Variants in MMP16 observed in about 807,000 individuals in gnomAD.
MMP16 encodes matrix metallopeptidase 16, also known as matrix metalloproteinase-16.
A neutral mutation model predicts 67.8 loss-of-function variants in MMP16; 12 were observed. The ratio of observed to expected loss-of-function variants is 0.18; its 90% confidence interval spans 0.11 to 0.29. The LOEUF (loss-of-function observed/expected upper bound fraction) is 0.29, where lower values mean the gene tolerates loss of function less well. MMP16 is among the 10% of genes least tolerant of loss of function. The pLI, the probability that MMP16 is intolerant of heterozygous loss-of-function variation, is 1.00. For missense variants in MMP16, 475 were observed against 765.7 expected (o/e 0.62, Z 4.48); for synonymous variants, 249 against 255.9 (o/e 0.97, Z 0.26).
chr8:88,138,748 C>T (rs1026135093), intron 4 of MMP16, among the ~76,000 whole-genome samples: 10 of 152,098 alleles, frequency 6.6e-5, no homozygotes, highest in African/African-American at 2.2e-4. Context: ...GTTCCTTTTT[C>T]ACCAGGATCT....
intron 8 of MMP16, among the ~76,000 whole-genome samples, 167 bp downstream of exon 8, chr8:88,055,961 A>G (rs1012765299): frequency 6.6e-6 from 1 of 152,206 alleles, no homozygotes; most frequent in Admixed American, 6.5e-5. Flanking sequence ...TTAGAGAAAG[A>G]TTTATCTTAA....
intron 1 of MMP16, among the ~76,000 whole-genome samples, chr8:88,211,685 T>C (rs997934540): frequency 2.6e-5 from 4 of 152,178 alleles, no homozygotes; most frequent in African/African-American, 9.6e-5. Flanking sequence ...CTTTTACTTA[T>C]ACTTGAATAT....
chr8:88,126,291 C>T (rs954589499), intron 4 of MMP16, among the ~76,000 whole-genome samples: 1 of 151,734 alleles, frequency 6.6e-6, no homozygotes, highest in African/African-American at 2.4e-5. Flanking sequence ...GAGAGTAGTT[C>T]GGTATCTCTG....
chr8:88,161,285 T>C (rs961843762), intron 4 of MMP16, among the ~76,000 whole-genome samples: 4 of 152,208 alleles, frequency 2.6e-5, no homozygotes, highest in Admixed American at 6.6e-5. Flanking sequence ...GGACGGTGTA[T>C]GTGTCCAGGA....
chr8:88,218,473 T>C (rs969813732), intron 1 of MMP16, among the ~76,000 whole-genome samples: 1 of 152,014 alleles, frequency 6.6e-6, no homozygotes, highest in Non-Finnish European at 1.5e-5. Flanking sequence ...GAAGAGTAAA[T>C]CTGAAAATTT....
chr8:88,149,002 G>C (rs1055101388), intron 4 of MMP16, among the ~76,000 whole-genome samples: 1 of 152,220 alleles, frequency 6.6e-6, no homozygotes, highest in Non-Finnish European at 1.5e-5. Context: ...CAGTGGGTGC[G>C]CGCACCGGGC....
chr8:88,095,550 C>G (rs971389854), intron 6 of MMP16, among the ~76,000 whole-genome samples: 1 of 151,796 alleles, frequency 6.6e-6, no homozygotes, highest in Non-Finnish European at 1.5e-5. Context: ...TTAGAAAATT[C>G]ACAAGGAGCA....
chr8:88,187,676 C>A (rs980826071), intron 2 of MMP16, among the ~76,000 whole-genome samples: 2 of 152,096 alleles, frequency 1.3e-5, no homozygotes, highest in South Asian at 2.1e-4. Context: ...ACATGTTATG[C>A]AACAAAATCC....
intron 4 of MMP16, among the ~76,000 whole-genome samples, chr8:88,119,281 A>G (rs901930630): frequency 2.6e-5 from 4 of 152,082 alleles, no homozygotes; most frequent in East Asian, 3.9e-4. Flanking sequence ...TTACTTTTAC[A>G]AAGATGAGTA....
At chr8:88,261,744 T>C (rs1810391348) in intron 1 of MMP16, among the ~76,000 whole-genome samples, 2 of 147,710 alleles carry the variant, frequency 1.4e-5, no homozygotes, top group African/African-American at 5.1e-5. Context: ...TCTATACACA[T>C]ATACATATGC....
At chr8:88,106,060 T>C (rs1809234806) in intron 6 of MMP16, among the ~76,000 whole-genome samples, 1 of 147,712 alleles carries the variant, frequency 6.8e-6, no homozygotes, top group Non-Finnish European at 1.5e-5. Context: ...TGTATATATA[T>C]ATATATATAT....
rs192976518 is a variant in MMP16 at position 88,236,167 on chromosome 8, A to G, written c.133-38861T>C. ...GTGCAAAGTATACAAAAAGTGCACA[A>G]AGGAGAGGAGACAGAACAGCACAGT... is the stretch of plus-strand genomic sequence containing the variant. On this transcript the variant is annotated intron_variant, in intron 1 of 9. Transcript: ENST00000286614. Among the ~76,000 whole-genome samples, 102 of 152,360 alleles carry G rather than the reference A, an allele frequency of 6.7e-4. No individual in the cohort carries two copies. The East Asian group carries it at 0.011, about 16-fold the overall frequency.
chr8:88,314,576 G>A (rs1563593264), intron 1 of MMP16, among the ~76,000 whole-genome samples: 1 of 152,162 alleles, frequency 6.6e-6, no homozygotes, highest in Non-Finnish European at 1.5e-5. Context: ...TGAAAGCAGT[G>A]TTTAGTCCAG....
intron 1 of MMP16, among the ~76,000 whole-genome samples, chr8:88,241,047 T>C (rs1810025262): frequency 6.6e-6 from 1 of 151,976 alleles, no homozygotes; most frequent in East Asian, 1.9e-4. Context: ...ACTTTTATTC[T>C]TTCTAATGTA....
At chr8:88,147,460 T>G (rs946666930) in intron 4 of MMP16, among the ~76,000 whole-genome samples, 4 of 152,062 alleles carry the variant, frequency 2.6e-5, no homozygotes, top group Non-Finnish European at 4.4e-5. Context: ...TATTATTTCA[T>G]CTAAGTTTTT....
At chr8:88,137,393 A>G (rs1166352670) in intron 4 of MMP16, among the ~76,000 whole-genome samples, 1 of 151,982 alleles carries the variant, frequency 6.6e-6, no homozygotes, top group African/African-American at 2.4e-5. Context: ...TAAATACGTT[A>G]AAGCTGTCAA....
At chr8:88,101,900 A>T (rs577693361) in intron 6 of MMP16, among the ~76,000 whole-genome samples, 11 of 151,842 alleles carry the variant, frequency 7.2e-5, no homozygotes, top group Non-Finnish European at 1.2e-4. Context: ...TCTCTTCATA[A>T]TTTGAACTCC....
At chr8:88,161,023 C>T (rs1174089659) in intron 4 of MMP16, among the ~76,000 whole-genome samples, 1 of 152,050 alleles carries the variant, frequency 6.6e-6, no homozygotes, top group Non-Finnish European at 1.5e-5. Flanking sequence ...TTTGTTGTGT[C>T]TCTGCCAGGC....
chr8:88,312,171 T>C (rs1281714033), intron 1 of MMP16, among the ~76,000 whole-genome samples: 11 of 152,086 alleles, frequency 7.2e-5, no homozygotes, highest in Non-Finnish European at 1.6e-4. Flanking sequence ...AGAAGAGAGA[T>C]GCCAACTGGA....
Sources: allele counts gnomAD v4.1 joint callset (sites outside exome capture counted in the v4.1 genomes callset), GRCh38; gene constraint gnomAD v4.1.1; transcripts MANE v1.5; gene names NCBI Gene and HGNC (gene_info 2026-07-23, HGNC 2026-07-21).